The following TMEM108 variants were observed in gnomAD, a reference collection of about 807,000 sequenced individuals.
The protein encoded by TMEM108 is cancer/testis antigen 124.
Under a neutral mutation model 35.1 loss-of-function variants are expected in TMEM108, and 12 were observed. The observed-to-expected ratio is 0.34, with a 90% CI of 0.22 to 0.55. TMEM108 has a LOEUF of 0.55. Ranked by LOEUF, TMEM108 falls within the 20% of genes least tolerant of loss-of-function variation. TMEM108 has a pLI of 0.89. For synonymous variants in TMEM108, 287 were observed against 308.6 expected (o/e 0.93, Z 0.73); for missense variants, 680 against 753.3 (o/e 0.90, Z 1.14).
chr3:133,174,870 A>T lies in TMEM108; in HGVS notation c.-46-54396A>T, dbSNP rs531599613. On this transcript the variant is annotated intron_variant, in intron 2 of 5. Transcript: ENST00000321871. ...AGAGAAGAAGGCTTCAGACAATCAA[A>T]CTACTCCGAGCTAAAGGAGGAAGTT... is the stretch of plus-strand genomic sequence containing the variant. Among the ~76,000 whole-genome samples, 14 of 152,230 alleles carry T rather than the reference A, an allele frequency of 9.2e-5. 1 individual carries two copies. Among genetic ancestry groups the T allele is most frequent in the African/African-American group, 3.4e-4 (14 of 41,554 alleles).
At chr3:133,310,740 T>C (rs2071118017) in intron 3 of TMEM108, among the ~76,000 whole-genome samples, 6 of 151,996 alleles carry the variant, frequency 3.9e-5, no homozygotes, top group Admixed American at 3.9e-4. Flanking sequence ...TTTATATTGT[T>C]ATGTGTGAAT....
intron 2 of TMEM108, among the ~76,000 whole-genome samples, chr3:133,114,819 TTTATC>T (rs539220699): frequency 8.7e-4 from 133 of 152,288 alleles, no homozygotes; most frequent in Non-Finnish European, 1.7e-3. Context: ...ACAGTTTTGT[TTTATC>T]TAGTCAGTGA....
intron 3 of TMEM108, among the ~76,000 whole-genome samples, chr3:133,238,060 C>T (rs190701316): frequency 5.3e-5 from 8 of 152,106 alleles, no homozygotes; most frequent in Non-Finnish European, 7.4e-5. Flanking sequence ...AGTCTGGTCC[C>T]GGACTACCTT....
intron 2 of TMEM108, among the ~76,000 whole-genome samples, chr3:133,224,089 T>A (rs1221910381): frequency 1.3e-5 from 2 of 152,222 alleles, no homozygotes; most frequent in Non-Finnish European, 2.9e-5. Flanking sequence ...GGGCTTATAA[T>A]CCCCTTGATC....
chr3:133,125,808 A>G (rs2107738388), intron 2 of TMEM108, among the ~76,000 whole-genome samples: 1 of 152,328 alleles, frequency 6.6e-6, no homozygotes, highest in Non-Finnish European at 1.5e-5. Flanking sequence ...TTGGGATTAT[A>G]TATTGCTGTT....
chr3:133,104,986 A>G (rs1295361458), intron 2 of TMEM108, among the ~76,000 whole-genome samples: 1 of 152,218 alleles, frequency 6.6e-6, no homozygotes, highest in East Asian at 1.9e-4. Context: ...GGATTGGGAA[A>G]GAAGAGTACT....
Position 133,056,751 on chromosome 3 carries a change from T to C in TMEM108, c.-47+10731T>C, listed in dbSNP as rs900017793. Among the ~76,000 whole-genome samples the C allele has an allele frequency of 2.6e-5, 4 of 152,216 alleles. No homozygotes were observed. The South Asian group carries it at 6.2e-4, about 24-fold the overall frequency. ...TCTACCTATGATCGTGAAAACTATG[T>C]TCATGGACATTCAGAATGTCCTGGT... On this transcript the variant is annotated intron_variant, in intron 2 of 5. Transcript: ENST00000321871.
chr3:133,150,265 T>A (rs562123080), intron 2 of TMEM108, among the ~76,000 whole-genome samples: 1 of 152,086 alleles, frequency 6.6e-6, no homozygotes, highest in African/African-American at 2.4e-5. Flanking sequence ...TTTCACATAC[T>A]TTTGGACATT....
intron 2 of TMEM108, among the ~76,000 whole-genome samples, chr3:133,066,062 C>T (rs1309573117): frequency 6.6e-6 from 1 of 152,094 alleles, no homozygotes; most frequent in African/African-American, 2.4e-5. Flanking sequence ...TACTTATATT[C>T]CAATTACTTT....
At chr3:133,279,422 G>C (rs777098332) in intron 3 of TMEM108, among the ~76,000 whole-genome samples, 1 of 152,146 alleles carries the variant, frequency 6.6e-6, no homozygotes, top group Non-Finnish European at 1.5e-5. Flanking sequence ...CAGCCTGTCC[G>C]GTCTCCCTTT....
chr3:133,153,406 T>G (rs1237312190), intron 2 of TMEM108, among the ~76,000 whole-genome samples: 1 of 152,182 alleles, frequency 6.6e-6, no homozygotes. Flanking sequence ...TTTTCTGTGT[T>G]TTATGCATTC....
chr3:133,354,127 T>C (rs949023624), intron 3 of TMEM108, among the ~76,000 whole-genome samples: 18 of 152,238 alleles, frequency 1.2e-4, no homozygotes, highest in African/African-American at 4.1e-4. Flanking sequence ...TTGACGTCAG[T>C]TTTTATGTTA....
chr3:133,092,522 A>T (rs1462475405), intron 2 of TMEM108, among the ~76,000 whole-genome samples: 2 of 152,092 alleles, frequency 1.3e-5, no homozygotes, highest in Non-Finnish European at 2.9e-5. Context: ...AGCTGACACA[A>T]TGGCCATTAT....
Position 133,216,098 on chromosome 3 carries a change from T to G in TMEM108, c.-46-13168T>G, listed in dbSNP as rs187293841. On this transcript the variant is annotated intron_variant, in intron 2 of 5. Coordinates refer to ENST00000321871, the MANE Select transcript of TMEM108 (RefSeq NM_023943.4). ...TCCCCAGAGATTTCCTGGCTGTTCC[T>G]CCTTACTTGCTCTTCATGTACTTGT... Among the ~76,000 whole-genome samples the G allele has an allele frequency of 2.3e-3, 348 of 152,210 alleles. 2 individuals are homozygous for G. The highest frequency in any genetic ancestry group is 8.2e-3 in the African/African-American group (339 of 41,564).
At chr3:133,206,516 A>G (rs565376311) in intron 2 of TMEM108, among the ~76,000 whole-genome samples, 4 of 152,132 alleles carry the variant, frequency 2.6e-5, no homozygotes, top group South Asian at 2.1e-4. Flanking sequence ...TGTTGATGCT[A>G]TTCCTTTCCG....
chr3:133,226,469 A>G (rs56909539), intron 2 of TMEM108, among the ~76,000 whole-genome samples: 2,280 of 152,292 alleles, frequency 0.015, 76 homozygotes, highest in African/African-American at 0.051. Flanking sequence ...ATGCTAAACT[A>G]GAGTCAGGTT....
chr3:133,206,566 C>T (rs574559006), intron 2 of TMEM108, among the ~76,000 whole-genome samples: 2 of 152,344 alleles, frequency 1.3e-5, no homozygotes, highest in South Asian at 2.1e-4. Context: ...CCCTCTGCTG[C>T]AGGACCATTG....
chr3:133,116,829 G>A (rs189803032), intron 2 of TMEM108, among the ~76,000 whole-genome samples: 6 of 152,278 alleles, frequency 3.9e-5, no homozygotes, highest in African/African-American at 7.2e-5. Flanking sequence ...AGGCTGGAGC[G>A]CAATGGCGTG....
rs757867925 is a variant in TMEM108, at chr3:133,380,123, G to A, written c.412G>A (p.Ala138Thr). 1.2e-6 allele frequency: 2 copies of A among 1,613,732 alleles called. No homozygotes were observed. Among genetic ancestry groups the A allele is most frequent in the South Asian group, 1.1e-5 (1 of 91,072 alleles). Residue 138 changes from alanine to threonine, a missense_variant, in exon 4 of 6, where the codon GCC becomes ACC. This residue lies in a region of TMEM108 where 526 missense variants were observed against 532.1 expected (regional missense o/e 0.99). Transcript: ENST00000321871. This position sits in a 1 kb window ranked among gnomAD's most constrained non-coding sequence, Gnocchi z 5.3. Reference sequence around the variant, plus strand: ...AGAGGGCCGCCCTCGAGGGCAGGCTGCCCCCACCATCCTGCTGACAAAGCC... The same window carrying A: ...AGAGGGCCGCCCTCGAGGGCAGGCTACCCCCACCATCCTGCTGACAAAGCC... ...KPEGRPRGQA[A>T]PTILLTKPPG...
Sources: gnomAD v4.1 joint callset for allele counts (sites outside exome capture counted in the v4.1 genomes callset) on GRCh38, gnomAD v4.1.1 for gene constraint, gnomAD v4.1.1 regional missense constraint, Gnocchi (gnomAD v3.1) non-coding constraint, MANE v1.5 for transcripts, NCBI Gene and HGNC (gene_info 2026-07-23, HGNC 2026-07-21) for gene names.